The following TDRD1 variants were observed in gnomAD, a reference collection of about 807,000 sequenced individuals.
The protein encoded by TDRD1 is tudor domain-containing protein 1.
TDRD1 carries 37 observed loss-of-function variants against 140.6 expected under a neutral mutation model. That is an observed-to-expected ratio of 0.26 (90% CI 0.20 to 0.35). TDRD1 has a LOEUF of 0.35. TDRD1 is among the 10% of genes least tolerant of loss of function. The pLI, the probability that TDRD1 is intolerant of heterozygous loss-of-function variation, is 1.00. For missense variants in TDRD1, 1,243 were observed against 1,393.0 expected, an observed-to-expected ratio of 0.89 and a Z score of 1.71; for synonymous variants, 506 against 475.7, an observed-to-expected ratio of 1.06 and a Z score of -0.83.
intron 14 of TDRD1, among the ~76,000 whole-genome samples, chr10:114,212,950 C>G (rs1411104775): frequency 1.3e-5 from 2 of 152,184 alleles, no homozygotes; most frequent in Non-Finnish European, 1.5e-5. Flanking sequence ...GTCCTTGCTC[C>G]CCAGGTAATA....
chr10:114,195,717 G>A (rs1185832944), intron 3 of TDRD1, among the ~76,000 whole-genome samples: 1 of 152,072 alleles, frequency 6.6e-6, no homozygotes, highest in South Asian at 2.1e-4. Context: ...ATATATTTAG[G>A]TAATGTTTTT....
intron 16 of TDRD1, among the ~76,000 whole-genome samples, chr10:114,215,650 T>G (rs1375062721): frequency 2.6e-5 from 4 of 152,192 alleles, no homozygotes; most frequent in African/African-American, 9.6e-5. Flanking sequence ...TCTGACCCCA[T>G]AGTTGTGAGA....
chr10:114,220,881 A>G (rs769871519), intron 19 of TDRD1, 38 bp downstream of exon 19: 1 of 1,491,884 alleles, frequency 6.7e-7, no homozygotes, highest in Non-Finnish European at 9.2e-7. Flanking sequence ...TAAATTTGTT[A>G]TTCTTTGCTC....
chr10:114,213,355 C>T, exon 15 of TDRD1: 1 of 1,610,970 alleles, frequency 6.2e-7, no homozygotes. Flanking sequence ...GGAGTAAAGC[C>T]ATCATTAGGA....
intron 1 of TDRD1, among the ~76,000 whole-genome samples, chr10:114,182,919 C>T (rs979906688): frequency 7.2e-5 from 11 of 151,978 alleles, no homozygotes; most frequent in African/African-American, 1.2e-4. Context: ...CTCCTGACCT[C>T]GTGATCCGCC....
intron 25 of TDRD1, chr10:114,228,516 T>G: frequency 8.0e-6 from 8 of 994,556 alleles, no homozygotes; most frequent in Non-Finnish European, 9.6e-6. Flanking sequence ...TGTAAATATG[T>G]TTAGCACTTT....
chr10:114,227,655 A>T (rs1379697494), intron 23 of TDRD1, among the ~76,000 whole-genome samples: 1 of 152,216 alleles, frequency 6.6e-6, no homozygotes, highest in Non-Finnish European at 1.5e-5. Flanking sequence ...ACTTCATAAG[A>T]TGTATATTTG....
intron 18 of TDRD1, 116 bp downstream of exon 18, chr10:114,218,700 A>T (rs1298152137): frequency 9.3e-6 from 7 of 750,644 alleles, no homozygotes; most frequent in Non-Finnish European, 1.4e-5. Context: ...GCTTCATATT[A>T]TAAAACTTAG....
intron 17 of TDRD1, among the ~76,000 whole-genome samples, chr10:114,218,012 A>T (rs1010183788): frequency 1.3e-5 from 2 of 152,146 alleles, no homozygotes; most frequent in Non-Finnish European, 2.9e-5. Context: ...CATTACAATA[A>T]TTTTTTTACT....
At chr10:114,201,319 G>T in intron 4 of TDRD1, 91 bp from the exon 5 acceptor site, 1 of 1,002,510 alleles carries the variant, frequency 1.0e-6, no homozygotes, top group African/African-American at 1.6e-5. Context: ...CAATTCTCTT[G>T]CCATGGCTAA....
In TDRD1 at chr10:114,204,700, TA is replaced by T. The variant is rs774377788; in HGVS notation, c.1126-20del. On this transcript the variant is annotated intron_variant, in intron 9 of 25. Coordinates refer to ENST00000251864, the Ensembl canonical transcript of TDRD1. ...ATTTTTAAATGGTAATTTTTGTAAG[TA>T]ACCTGCGTAAAATTTTTCAGGCCAT... 22 of 1,567,268 alleles carry T rather than the reference TA, an allele frequency of 1.4e-5. No homozygotes were observed. In the African/African-American group the frequency reaches 2.9e-4, roughly 21 times the overall value.
intron 8 of TDRD1, 125 bp from the exon 9 acceptor site, chr10:114,203,948 T>C: frequency 8.8e-7 from 1 of 1,137,444 alleles, no homozygotes; most frequent in Non-Finnish European, 1.2e-6. Context: ...TAAGTTGGCT[T>C]ATTAATTGAG....
At chr10:114,198,195 T>C (rs2034497105) in intron 3 of TDRD1, among the ~76,000 whole-genome samples, 1 of 152,148 alleles carries the variant, frequency 6.6e-6, no homozygotes, top group Non-Finnish European at 1.5e-5. Flanking sequence ...ATCTGGTCTC[T>C]AGTGACACGG....
Position 114,212,056 on chromosome 10 carries a change from TC to T in TDRD1, c.1831+22del. 1 of 1,573,664 alleles carries T rather than the reference TC, an allele frequency of 6.4e-7. No homozygotes were observed. Among genetic ancestry groups the T allele is most frequent in the Non-Finnish European group, 8.6e-7 (1 of 1,168,256 alleles). On this transcript the variant is annotated intron_variant, in intron 14 of 25. Coordinates refer to ENST00000251864, the Ensembl canonical transcript of TDRD1. ...TAGCAGGTATGAAATTTTTATAGCC[TC>T]CATATTCTTTAAAAATTCTACAGAT...
chr10:114,213,314 A>G (rs1292552234), intron 14 of TDRD1, 32 bp from the exon 15 acceptor site: 2 of 1,585,002 alleles, frequency 1.3e-6, no homozygotes, highest in African/African-American at 1.4e-5. Flanking sequence ...CTTTCAGAAT[A>G]ATTGTAACAT....
At chr10:114,202,582 TTATC>T (rs1156424461) in intron 6 of TDRD1, among the ~76,000 whole-genome samples, 1 of 152,208 alleles carries the variant, frequency 6.6e-6, no homozygotes, top group Non-Finnish European at 1.5e-5. Flanking sequence ...TAGGGCCTAG[TTATC>T]TATCTAAGGA....
chr10:114,225,555 AT>A lies in TDRD1; in HGVS notation c.3008-491del, dbSNP rs1254258943. Among the ~76,000 whole-genome samples the A allele has an allele frequency of 2.8e-3, 326 of 115,964 alleles. 3 individuals are homozygous for A. The highest frequency in any genetic ancestry group is 0.012 in the African/African-American group (310 of 25,960). The allele number at this position is 115,964 out of a possible 152,430, so 76.1% of individuals were successfully genotyped here. On this transcript the variant is annotated intron_variant, in intron 21 of 25. Transcript: ENST00000251864. ...TCTTGTTCTCTACTCTATTCTACGCATTTAAAAAAAAAAAAAAAATCTGGCC... is the reference window on the plus strand; with the variant it reads ...TCTTGTTCTCTACTCTATTCTACGCATTAAAAAAAAAAAAAAAATCTGGCC...
At chr10:114,212,923 G>A (rs770740974) in intron 14 of TDRD1, among the ~76,000 whole-genome samples, 3 of 152,108 alleles carry the variant, frequency 2.0e-5, no homozygotes, top group Admixed American at 6.5e-5. Context: ...ATGGTCTCTC[G>A]TGCCTATTAA....
chr10:114,180,951 T>G (rs1479230340), intron 1 of TDRD1, among the ~76,000 whole-genome samples: 8 of 152,164 alleles, frequency 5.3e-5, no homozygotes, highest in Admixed American at 6.5e-5. Flanking sequence ...CCACTATTCA[T>G]AGTGTATCTT....
Sources: gnomAD v4.1 joint callset for allele counts (sites outside exome capture counted in the v4.1 genomes callset) on GRCh38, gnomAD v4.1.1 for gene constraint, MANE v1.5 for transcripts, NCBI Gene and HGNC (gene_info 2026-07-23, HGNC 2026-07-21) for gene names.